The following IPCEF1 variants were observed in gnomAD, a reference collection of about 807,000 sequenced individuals.
The protein encoded by IPCEF1 is interaction protein for cytohesin exchange factors 1.
In IPCEF1, 31 loss-of-function variants were observed where a neutral mutation model predicts 50.9. The observed-to-expected ratio is 0.61, with a 90% CI of 0.46 to 0.82. The LOEUF is 0.82. IPCEF1 is among the 40% of genes least tolerant of loss of function. The pLI, the probability that IPCEF1 is intolerant of heterozygous loss-of-function variation, is 0.00. For missense variants in IPCEF1, 458 were observed against 514.0 expected, an observed-to-expected ratio of 0.89 and a Z score of 1.05; for synonymous variants, 181 against 192.0, an observed-to-expected ratio of 0.94 and a Z score of 0.47.
At chr6:154,208,216 C>G (rs1777660855) in intron 9 of IPCEF1, among the ~76,000 whole-genome samples, 1 of 151,816 alleles carries the variant, frequency 6.6e-6, no homozygotes, top group Non-Finnish European at 1.5e-5. Context: ...TCATTTCCTA[C>G]TACTCTCATC....
chr6:154,175,315 C>G (rs1800221210), intron 10 of IPCEF1, among the ~76,000 whole-genome samples: 1 of 150,022 alleles, frequency 6.7e-6, no homozygotes, highest in South Asian at 2.1e-4. Flanking sequence ...CAAGAAATAA[C>G]TAAGATCAGA....
Position 154,313,078 on chromosome 6 carries a change from A to AAAAAAC in IPCEF1, c.-61-23323_-61-23322insGTTTTT, listed in dbSNP as rs1305924134. Among the ~76,000 whole-genome samples, 13 of 149,906 alleles carry AAAAAAC rather than the reference A, an allele frequency of 8.7e-5. 1 individual carries two copies. The highest frequency in any genetic ancestry group is 3.0e-4 in the African/African-American group (12 of 40,436). On this transcript the variant is annotated intron_variant, in intron 1 of 11. Transcript: ENST00000367220. The stretch of plus-strand genomic sequence containing the variant: ...GTGAGGCCCTGTCTCAAAAAAAAAA[A>AAAAAAC]AAAAAAAACATGGCCGGGCACAGTG...
intron 5 of IPCEF1, among the ~76,000 whole-genome samples, chr6:154,233,282 T>G (rs1292514680): frequency 6.6e-6 from 1 of 152,218 alleles, no homozygotes; most frequent in Non-Finnish European, 1.5e-5. Flanking sequence ...GCCATCCGAC[T>G]AGCTGTTTCT....
Position 154,204,403 on chromosome 6 carries a change from A to G in IPCEF1, c.538-4363T>C, listed in dbSNP as rs116584191. On this transcript the variant is annotated intron_variant, in intron 9 of 11. Coordinates refer to ENST00000367220, the MANE Select transcript of IPCEF1 (RefSeq NM_001130700.2). ...CAAAACAAAACCAAAATGACAAGAA[A>G]GGAAGAAAAGTACACAGCTTCCCTT... 7.0e-3 allele frequency among the ~76,000 whole-genome samples: 1,059 copies of G among 152,326 alleles called. 14 individuals carry two copies. Among genetic ancestry groups the G allele is most frequent in the African/African-American group, 0.025 (1,026 of 41,574 alleles).
At chr6:154,167,849 A>C in intron 11 of IPCEF1, 71 bp downstream of exon 11, 3 of 1,162,300 alleles carry the variant, frequency 2.6e-6, no homozygotes, top group Middle Eastern at 4.3e-4. Context: ...ATTAGCAAGA[A>C]TCTCTCTGCA....
At chr6:154,224,727 C>CA (rs976408216) in intron 5 of IPCEF1, among the ~76,000 whole-genome samples, 8 of 151,308 alleles carry the variant, frequency 5.3e-5, no homozygotes, top group African/African-American at 1.5e-4. Context: ...AACAAACAAA[C>CA]AAAAAAAAGA....
At chr6:154,253,276 G>T (rs1461538505) in intron 3 of IPCEF1, among the ~76,000 whole-genome samples, 1 of 151,940 alleles carries the variant, frequency 6.6e-6, no homozygotes, top group African/African-American at 2.4e-5. Flanking sequence ...AGGCCCAAGA[G>T]ATTTATCTTC....
intron 4 of IPCEF1, chr6:154,247,130 T>C (rs1781118675): frequency 1.2e-5 from 5 of 422,608 alleles, no homozygotes; most frequent in Non-Finnish European, 2.1e-5. Context: ...TGCAGTAACA[T>C]AGCTCCTCTC....
intron 1 of IPCEF1, among the ~76,000 whole-genome samples, chr6:154,303,782 G>A (rs554820191): frequency 1.5e-3 from 223 of 152,220 alleles, no homozygotes; most frequent in Non-Finnish European, 2.4e-3. Flanking sequence ...AATTAACGAG[G>A]CATGTTGGTG....
intron 5 of IPCEF1, among the ~76,000 whole-genome samples, chr6:154,227,718 A>G (rs534353469): frequency 6.6e-6 from 1 of 152,100 alleles, no homozygotes; most frequent in Non-Finnish European, 1.5e-5. Context: ...ATGTGTCTCA[A>G]AAAAAAATTA....
chr6:154,219,985 A>AGT (rs57450665), intron 7 of IPCEF1, among the ~76,000 whole-genome samples: 11,664 of 139,996 alleles, frequency 0.083, 460 homozygotes, highest in Middle Eastern at 0.18. Context: ...ACCTGTAAGG[A>AGT]GTGTGTGTGT....
At chr6:154,288,414 A>G (rs904952931) in intron 2 of IPCEF1, among the ~76,000 whole-genome samples, 2 of 152,236 alleles carry the variant, frequency 1.3e-5, no homozygotes, top group Non-Finnish European at 2.9e-5. Flanking sequence ...CTGTAATCCC[A>G]GCACTTTGGG....
At chr6:154,201,990 C>G (rs975852034) in intron 9 of IPCEF1, among the ~76,000 whole-genome samples, 38 of 152,178 alleles carry the variant, frequency 2.5e-4, no homozygotes, top group African/African-American at 9.2e-4. Flanking sequence ...TTCAAAAACC[C>G]TCAGAATCAT....
In IPCEF1 at chr6:154,312,814, C is replaced by A. The variant is rs141781805; in HGVS notation, c.-61-23058G>T. Among the ~76,000 whole-genome samples, 985 of 152,130 alleles carry A rather than the reference C, an allele frequency of 6.5e-3. 15 individuals are homozygous for A. The highest frequency in any genetic ancestry group is 0.022 in the African/African-American group (933 of 41,478). ...GTGAGGTAACACATATGTTAATGAG[C>A]TTGATTTCGCTATGCAACAATGTAC... On this transcript the variant is annotated intron_variant, in intron 1 of 11. Coordinates refer to ENST00000367220, the MANE Select transcript of IPCEF1 (RefSeq NM_001130700.2).
chr6:154,317,772 T>C (rs996684476), intron 1 of IPCEF1, among the ~76,000 whole-genome samples: 21 of 152,202 alleles, frequency 1.4e-4, no homozygotes, highest in African/African-American at 5.1e-4. Flanking sequence ...CAACCGGTTT[T>C]TTTTTAAATG....
At chr6:154,208,264 A>C (rs1423025744) in intron 9 of IPCEF1, among the ~76,000 whole-genome samples, 1 of 152,168 alleles carries the variant, frequency 6.6e-6, no homozygotes, top group East Asian at 1.9e-4. Flanking sequence ...GGCTCCTTGC[A>C]GTACCACACA....
intron 10 of IPCEF1, among the ~76,000 whole-genome samples, chr6:154,194,875 C>CAT (rs915484006): frequency 2.6e-5 from 4 of 152,074 alleles, no homozygotes; most frequent in Non-Finnish European, 5.9e-5. Flanking sequence ...TGCCAATGAT[C>CAT]ATATATTCAA....
intron 2 of IPCEF1, among the ~76,000 whole-genome samples, chr6:154,268,242 C>T (rs1781808264): frequency 6.6e-6 from 1 of 152,216 alleles, no homozygotes; most frequent in Non-Finnish European, 1.5e-5. Flanking sequence ...CAGCAGGGGC[C>T]TTCCCAGGCC....
chr6:154,174,821 C>T (rs1465907657), intron 10 of IPCEF1, among the ~76,000 whole-genome samples: 1 of 152,144 alleles, frequency 6.6e-6, no homozygotes, highest in Non-Finnish European at 1.5e-5. Context: ...ACCAAGCAGA[C>T]CTAACAGACA....
Sources: gnomAD v4.1 joint callset for allele counts (sites outside exome capture counted in the v4.1 genomes callset) on GRCh38, gnomAD v4.1.1 for gene constraint, MANE v1.5 for transcripts, NCBI Gene and HGNC (gene_info 2026-07-23, HGNC 2026-07-21) for gene names.